The following HYAL4 variants were observed in gnomAD, a reference collection of about 807,000 sequenced individuals.
HYAL4 encodes the protein hyaluronidase-4.
HYAL4 carries 37 observed loss-of-function variants against 35.2 expected under a neutral mutation model. The ratio of observed to expected loss-of-function variants is 1.05; its 90% CI spans 0.81 to 1.38. The LOEUF (loss-of-function observed/expected upper bound fraction) is 1.38, where lower values mean the gene tolerates loss of function less well. Among genes scored for constraint, HYAL4 ranks in the 40% most tolerant of loss-of-function variants. The pLI is 0.00. For missense variants in HYAL4, 572 were observed against 572.4 expected, an observed-to-expected ratio of 1.00 and a Z score of 0.01; for synonymous variants, 198 against 203.2, an observed-to-expected ratio of 0.97 and a Z score of 0.22.
the HYAL4 span, among the ~76,000 whole-genome samples, chr7:123,810,255 T>C: frequency 6.6e-6 from 1 of 152,132 alleles, no homozygotes; most frequent in Admixed American, 6.6e-5. Flanking sequence ...ATTGGCTCTT[T>C]AAAGCTGACT....
intron 3 of HYAL4, among the ~76,000 whole-genome samples, chr7:123,871,274 C>T (rs567160785): frequency 1.5e-4 from 23 of 151,722 alleles, no homozygotes; most frequent in African/African-American, 5.6e-4. Context: ...TCACTGTGAC[C>T]TCTGCCTCCC....
In HYAL4 at chr7:123,860,405, G is replaced by GTA. The variant is rs1357526398; in HGVS notation, c.-51-7810_-51-7809dup. Among the ~76,000 whole-genome samples the GTA allele has an allele frequency of 2.6e-5, 4 of 152,174 alleles. No individual in the cohort carries two copies. In the East Asian group the frequency reaches 5.8e-4, roughly 22 times the overall value. On this transcript the variant is annotated intron_variant, in intron 2 of 4. Transcript: ENST00000223026. ...TGTGTGTGTATGTGTATGTGTGTGT[G>GTA]TATATATATGTATGCATATATTCCT...
At chr7:123,853,062 C>A (rs1428865664) in intron 2 of HYAL4, among the ~76,000 whole-genome samples, 2 of 152,136 alleles carry the variant, frequency 1.3e-5, no homozygotes, top group Non-Finnish European at 2.9e-5. Context: ...TATAGGAATG[C>A]TTGTGGTTTT....
chr7:123,809,860 T>C, the HYAL4 span, among the ~76,000 whole-genome samples: 3 of 152,158 alleles, frequency 2.0e-5, no homozygotes, highest in Non-Finnish European at 4.4e-5. Context: ...GTCCCTTCCA[T>C]TAACAATTTA....
At chr7:123,818,398 A>C in the HYAL4 span, among the ~76,000 whole-genome samples, 1 of 152,154 alleles carries the variant, frequency 6.6e-6, no homozygotes, top group South Asian at 2.1e-4. Flanking sequence ...TTGTGAATTC[A>C]TACTCATTCT....
At chr7:123,865,139 G>T (rs1806656861) in intron 2 of HYAL4, among the ~76,000 whole-genome samples, 1 of 152,094 alleles carries the variant, frequency 6.6e-6, no homozygotes, top group South Asian at 2.1e-4. Context: ...GATGTTCTAT[G>T]GTGGTGATGA....
At chr7:123,803,383 C>A in the HYAL4 span, among the ~76,000 whole-genome samples, 1 of 152,096 alleles carries the variant, frequency 6.6e-6, no homozygotes, top group Non-Finnish European at 1.5e-5. Flanking sequence ...TACTCATAAA[C>A]CCCTTCAATG....
upstream of HYAL4, among the ~76,000 whole-genome samples, chr7:123,840,581 A>G (rs1322978470): frequency 6.6e-6 from 1 of 152,048 alleles, no homozygotes; most frequent in Non-Finnish European, 1.5e-5. Flanking sequence ...TTTGGGCAGT[A>G]CGGCCATTTT....
chr7:123,846,396 C>T (rs1806174659), intron 1 of HYAL4, among the ~76,000 whole-genome samples: 1 of 151,986 alleles, frequency 6.6e-6, no homozygotes, highest in Non-Finnish European at 1.5e-5. Context: ...GTTGCCTCTG[C>T]TGTGTCATGC....
the HYAL4 span, among the ~76,000 whole-genome samples, chr7:123,779,905 TAA>T: frequency 2.5e-3 from 384 of 152,194 alleles, 3 homozygotes; most frequent in African/African-American, 8.9e-3. Context: ...GTTTGCAAAT[TAA>T]AAAAATAAAC....
intron 3 of HYAL4, among the ~76,000 whole-genome samples, chr7:123,872,049 G>A (rs1305751672): frequency 6.6e-6 from 1 of 152,072 alleles, no homozygotes; most frequent in Non-Finnish European, 1.5e-5. Flanking sequence ...GTGCAGTTTT[G>A]TTACATGGAC....
chr7:123,846,090 T>G (rs1022772371), intron 1 of HYAL4, among the ~76,000 whole-genome samples: 1 of 152,116 alleles, frequency 6.6e-6, no homozygotes, highest in African/African-American at 2.4e-5. Context: ...AGGTCCTTAG[T>G]TTTGGTTGCT....
At chr7:123,826,666 G>C (rs1805806011), upstream of HYAL4, among the ~76,000 whole-genome samples, 1 of 151,994 alleles carries the variant, frequency 6.6e-6, no homozygotes, top group Admixed American at 6.6e-5. Context: ...TAGGATTTTT[G>C]TGTCTACTTC....
At chr7:123,815,677 G>A in the HYAL4 span, among the ~76,000 whole-genome samples, 9 of 152,266 alleles carry the variant, frequency 5.9e-5, no homozygotes, top group African/African-American at 2.2e-4. Flanking sequence ...CATGGCAAGT[G>A]TCCAAACTTT....
chr7:123,792,734 T>G, the HYAL4 span, among the ~76,000 whole-genome samples: 18,165 of 152,014 alleles, frequency 0.12, 1,417 homozygotes, highest in South Asian at 0.21. Flanking sequence ...TCCCTTAGAG[T>G]CTCATGATCA....
chr7:123,859,953 G>A (rs575878516), intron 2 of HYAL4, among the ~76,000 whole-genome samples: 82 of 152,236 alleles, frequency 5.4e-4, no homozygotes, highest in African/African-American at 1.8e-3. Context: ...GTTTGGCTCT[G>A]TATCCCCACC....
chr7:123,837,159 G>C (rs184117824), intron 1 of HYAL4, among the ~76,000 whole-genome samples: 7 of 152,240 alleles, frequency 4.6e-5, no homozygotes, highest in Admixed American at 3.3e-4. Context: ...TCCTTCATTT[G>C]TGAAGATTAG....
upstream of HYAL4, among the ~76,000 whole-genome samples, chr7:123,840,894 C>T (rs963228036): frequency 2.9e-4 from 44 of 151,918 alleles, 1 homozygote; most frequent in Non-Finnish European, 5.2e-4. Context: ...TGGGCTGAGA[C>T]GATGGGGTTT....
the HYAL4 span, among the ~76,000 whole-genome samples, chr7:123,783,548 G>A: frequency 1.2e-4 from 18 of 152,210 alleles, no homozygotes; most frequent in Admixed American, 1.2e-3. Context: ...TCCTATGTGA[G>A]TAGAGCCTTG....
Sources: gnomAD v4.1 joint callset for allele counts (sites outside exome capture counted in the v4.1 genomes callset) on GRCh38, gnomAD v4.1.1 for gene constraint, MANE v1.5 for transcripts, NCBI Gene and HGNC (gene_info 2026-07-23, HGNC 2026-07-21) for gene names.